Variants in ADCY2 observed in about 807,000 individuals in gnomAD.
ADCY2 encodes adenylate cyclase type 2.
ADCY2 carries 31 observed loss-of-function variants against 125.2 expected under a neutral mutation model. That is an observed-to-expected ratio of 0.25 (90% CI 0.19 to 0.33). The LOEUF (loss-of-function observed/expected upper bound fraction) is 0.33, where lower values mean the gene tolerates loss of function less well. Ranked by LOEUF, ADCY2 falls within the 10% of genes least tolerant of loss-of-function variation. The pLI, the probability that ADCY2 is intolerant of heterozygous loss-of-function variation, is 1.00. For synonymous variants in ADCY2, 512 were observed against 548.4 expected, an observed-to-expected ratio of 0.93 and a Z score of 0.93; for missense variants, 904 against 1,418.2, an observed-to-expected ratio of 0.64 and a Z score of 5.82.
At chr5:7,739,947 ATTAT>A (rs1171994039) in intron 14 of ADCY2, among the ~76,000 whole-genome samples, 1 of 152,006 alleles carries the variant, frequency 6.6e-6, no homozygotes, top group Non-Finnish European at 1.5e-5. Flanking sequence ...TCATACCCAG[ATTAT>A]TTGTGTGTGA....
rs1383377942 is a variant in ADCY2 at position 7,504,809 on chromosome 5, A to G, written c.409-15929A>G. Among the ~76,000 whole-genome samples, 3 of 149,508 alleles carry G rather than the reference A, an allele frequency of 2.0e-5. No homozygotes were observed. The East Asian group carries it at 6.0e-4, about 30-fold the overall frequency. On this transcript the variant is annotated intron_variant, in intron 2 of 24. Transcript: ENST00000338316. ...CATGTGTGAGCCACCATGCCTGACC[A>G]AAAATTGCAGCCTTATTATTATTAT...
chr5:7,807,837 T>C (rs180927965), intron 22 of ADCY2, among the ~76,000 whole-genome samples: 61 of 152,260 alleles, frequency 4.0e-4, no homozygotes, highest in African/African-American at 1.2e-3. Context: ...CTACAGTCTC[T>C]ACACCAGCCC....
chr5:7,785,354 T>A (rs1237646598), intron 19 of ADCY2, among the ~76,000 whole-genome samples: 2 of 152,206 alleles, frequency 1.3e-5, no homozygotes, highest in African/African-American at 4.8e-5. Context: ...ACAACTGTCC[T>A]CTAGCTTCCC....
At chr5:7,465,104 G>A (rs1271816607) in intron 2 of ADCY2, among the ~76,000 whole-genome samples, 6 of 152,170 alleles carry the variant, frequency 3.9e-5, no homozygotes, top group Non-Finnish European at 8.8e-5. Flanking sequence ...CCACCCCCAT[G>A]ATTCAGTTAT....
chr5:7,799,637 G>A (rs1019582073), intron 20 of ADCY2: 1 of 152,382 alleles, frequency 6.6e-6, no homozygotes, highest in African/African-American at 2.4e-5. Flanking sequence ...AGCCAGCTGA[G>A]AGCCTTGGTG....
At chr5:7,743,613 C>G (rs1424652036) in intron 14 of ADCY2, 55 bp from the exon 15 acceptor site, 1 of 1,531,172 alleles carries the variant, frequency 6.5e-7, no homozygotes, top group Non-Finnish European at 9.0e-7. Flanking sequence ...TGGTAGCTTT[C>G]CAGAATGAGA....
chr5:7,418,647 G>GTT (rs869287430), intron 2 of ADCY2, among the ~76,000 whole-genome samples: 1,459 of 73,712 alleles, frequency 0.02, 275 homozygotes, highest in Non-Finnish European at 0.027. Context: ...TCTACCTTCT[G>GTT]TTTTTTTTTT....
rs564663428 is a variant in ADCY2, at chr5:7,559,886, C to T, written c.570+38987C>T. On this transcript the variant is annotated intron_variant, in intron 3 of 24. Transcript: ENST00000338316. ...TTATGAAAATTTGGAGCAGAAATGGCACTTGCCTGTTATACCTGGAAAGAG... is the reference window on the plus strand; with the variant it reads ...TTATGAAAATTTGGAGCAGAAATGGTACTTGCCTGTTATACCTGGAAAGAG... Among the ~76,000 whole-genome samples, 50 of 152,298 alleles carry T rather than the reference C, an allele frequency of 3.3e-4. 1 individual carries two copies. The Middle Eastern group carries it at 0.01, about 31-fold the overall frequency.
At chr5:7,750,718 C>T (rs1356661620) in intron 15 of ADCY2, among the ~76,000 whole-genome samples, 2 of 151,208 alleles carry the variant, frequency 1.3e-5, no homozygotes, top group African/African-American at 2.4e-5. Flanking sequence ...GATTAACTCT[C>T]CTGTCCATCT....
At chr5:7,773,304 T>A (rs1334120281) in intron 18 of ADCY2, among the ~76,000 whole-genome samples, 3 of 152,208 alleles carry the variant, frequency 2.0e-5, no homozygotes, top group African/African-American at 7.2e-5. Flanking sequence ...CAAACACACA[T>A]AGAAGATGTG....
At chr5:7,522,194 C>T (rs922123714) in intron 3 of ADCY2, among the ~76,000 whole-genome samples, 4 of 152,170 alleles carry the variant, frequency 2.6e-5, no homozygotes, top group Non-Finnish European at 5.9e-5. Flanking sequence ...TGCAACATTA[C>T]GGTTTGCTAT....
chr5:7,600,474 C>T (rs1047268145), intron 3 of ADCY2, among the ~76,000 whole-genome samples: 2 of 152,148 alleles, frequency 1.3e-5, no homozygotes, highest in African/African-American at 2.4e-5. Context: ...TGTCTCAAGG[C>T]ACAAAGGCAA....
chr5:7,711,202 A>G (rs185777036), intron 10 of ADCY2, among the ~76,000 whole-genome samples: 1 of 152,330 alleles, frequency 6.6e-6, no homozygotes, highest in African/African-American at 2.4e-5. Flanking sequence ...AAAATCATCA[A>G]GAAGAGAACA....
intron 14 of ADCY2, among the ~76,000 whole-genome samples, 171 bp downstream of exon 14, chr5:7,727,432 C>G (rs1025568049): frequency 1.3e-5 from 2 of 152,062 alleles, no homozygotes; most frequent in African/African-American, 4.8e-5. Context: ...CCCCATGTGT[C>G]TTCCTTAGCA....
intron 4 of ADCY2, among the ~76,000 whole-genome samples, chr5:7,667,421 G>T (rs1303836409): frequency 6.6e-6 from 1 of 152,096 alleles, no homozygotes; most frequent in Non-Finnish European, 1.5e-5. Flanking sequence ...TGTTCATCTG[G>T]TTCCAAACTC....
chr5:7,809,169 C>A (rs1341511575), intron 22 of ADCY2, among the ~76,000 whole-genome samples: 2 of 152,272 alleles, frequency 1.3e-5, no homozygotes, highest in East Asian at 1.9e-4. Flanking sequence ...CATATTGGTA[C>A]CATTGCTGAC....
chr5:7,682,216 A>G (rs1561164264), intron 4 of ADCY2, among the ~76,000 whole-genome samples: 1 of 152,212 alleles, frequency 6.6e-6, no homozygotes, highest in Non-Finnish European at 1.5e-5. Context: ...AAGAATATTG[A>G]ATTAAGAGCA....
chr5:7,805,529 G>T (rs759288315), intron 22 of ADCY2, among the ~76,000 whole-genome samples: 1 of 152,054 alleles, frequency 6.6e-6, no homozygotes, highest in East Asian at 1.9e-4. Context: ...TAGTAAAAAA[G>T]ACCTCCTTTC....
At chr5:7,692,734 C>T (rs1009241090) in intron 5 of ADCY2, among the ~76,000 whole-genome samples, 8 of 152,182 alleles carry the variant, frequency 5.3e-5, no homozygotes, top group African/African-American at 1.7e-4. Context: ...ATCCCTTTGT[C>T]TCATGACATT....
Sources: allele counts gnomAD v4.1 joint callset (sites outside exome capture counted in the v4.1 genomes callset), GRCh38; gene constraint gnomAD v4.1.1; transcripts MANE v1.5; gene names NCBI Gene and HGNC (gene_info 2026-07-23, HGNC 2026-07-21).